Variants in MITF observed in about 807,000 individuals in gnomAD.
The protein encoded by MITF is melanocyte inducing transcription factor, also known as microphthalmia-associated transcription factor.
Under a neutral mutation model 60.5 loss-of-function variants are expected in MITF, and 17 were observed. The observed-to-expected ratio is 0.28, with a 90% CI of 0.19 to 0.42. MITF has a LOEUF of 0.42. Among genes scored for constraint, MITF ranks in the 10% least tolerant of loss-of-function variants. The probability of loss-of-function intolerance (pLI) is 1.00; values close to 1 mark genes in which losing one functional copy is unlikely to be tolerated. For missense variants in MITF, 622 were observed against 683.5 expected (o/e 0.91, Z 1.00); for synonymous variants, 260 against 248.5 (o/e 1.05, Z -0.43).
chr3:69,757,338 T>C (rs369063368), intron 1 of MITF, among the ~76,000 whole-genome samples: 2 of 152,236 alleles, frequency 1.3e-5, no homozygotes, highest in East Asian at 3.8e-4. Flanking sequence ...TGACTCTTGG[T>C]TAAACAGTTC....
At chr3:69,924,000 C>T (rs150666874) in intron 2 of MITF, among the ~76,000 whole-genome samples, 12 of 152,144 alleles carry the variant, frequency 7.9e-5, no homozygotes, top group Admixed American at 2.0e-4. Context: ...CAGTTGATTA[C>T]GTGTTTTAGA....
intron 8 of MITF, among the ~76,000 whole-genome samples, chr3:69,957,250 T>G (rs1436323055): frequency 6.6e-6 from 1 of 152,112 alleles, no homozygotes; most frequent in Non-Finnish European, 1.5e-5. Flanking sequence ...ATTGGCCCAT[T>G]TGAAGCAAGG....
intron 1 of MITF, among the ~76,000 whole-genome samples, chr3:69,753,752 G>A (rs911781605): frequency 2.0e-5 from 3 of 152,192 alleles, no homozygotes; most frequent in Non-Finnish European, 2.9e-5. Flanking sequence ...GGAGCCTATG[G>A]CCCCTTTCTT....
intron 1 of MITF, among the ~76,000 whole-genome samples, chr3:69,753,258 T>G (rs923547211): frequency 8.5e-5 from 13 of 152,224 alleles, no homozygotes; most frequent in Admixed American, 5.9e-4. Flanking sequence ...CCATGTGGTG[T>G]TAAGCCTGTA....
intron 1 of MITF, among the ~76,000 whole-genome samples, chr3:69,867,520 CT>C (rs2064139494): frequency 6.6e-6 from 1 of 152,008 alleles, no homozygotes; most frequent in Non-Finnish European, 1.5e-5. Context: ...GTCATAACAG[CT>C]TAATTACTCA....
chr3:69,800,183 C>CCA (rs1253998485), intron 1 of MITF, among the ~76,000 whole-genome samples: 2 of 152,192 alleles, frequency 1.3e-5, no homozygotes, highest in African/African-American at 4.8e-5. Flanking sequence ...CTGGACATTT[C>CCA]ATATAAATGG....
intron 1 of MITF, among the ~76,000 whole-genome samples, chr3:69,758,041 G>C (rs1425187446): frequency 8.0e-6 from 1 of 125,692 alleles, no homozygotes; most frequent in African/African-American, 2.8e-5. Context: ...GTGTGTGTGT[G>C]TCTATATATA....
At chr3:69,847,636 T>G (rs35588731) in intron 1 of MITF, among the ~76,000 whole-genome samples, 6 of 152,242 alleles carry the variant, frequency 3.9e-5, no homozygotes, top group Non-Finnish European at 8.8e-5. Context: ...AATAGCTGAA[T>G]GGATTCTGTT....
chr3:69,806,381 C>T (rs1233091726), intron 1 of MITF, among the ~76,000 whole-genome samples: 7 of 151,960 alleles, frequency 4.6e-5, no homozygotes, highest in East Asian at 3.9e-4. Flanking sequence ...CCACTGCACC[C>T]GGCCCATTTT....
chr3:69,764,080 G>A (rs946505622), intron 1 of MITF: 9 of 654,808 alleles, frequency 1.4e-5, no homozygotes, highest in Admixed American at 4.1e-5. Context: ...GTTTGTTTTC[G>A]GAAATGTTCA....
At chr3:69,837,973 G>C (rs574755087) in intron 1 of MITF, among the ~76,000 whole-genome samples, 2 of 152,140 alleles carry the variant, frequency 1.3e-5, no homozygotes, top group African/African-American at 4.8e-5. Flanking sequence ...TACATAGAAC[G>C]TTCTGGAAGG....
chr3:69,831,206 G>T (rs140400687), intron 1 of MITF, among the ~76,000 whole-genome samples: 1 of 152,270 alleles, frequency 6.6e-6, no homozygotes, highest in East Asian at 1.9e-4. Flanking sequence ...CACATGATGG[G>T]CACGGAGTAA....
At chr3:69,764,041 C>A in intron 1 of MITF, 1 of 992,704 alleles carries the variant, frequency 1.0e-6, no homozygotes, top group South Asian at 1.6e-5. Flanking sequence ...ATCTTTGGTT[C>A]TTGTTCATAA....
intron 1 of MITF, among the ~76,000 whole-genome samples, chr3:69,872,042 G>C (rs896641008): frequency 2.0e-5 from 3 of 152,070 alleles, no homozygotes; most frequent in African/African-American, 7.2e-5. Context: ...TCTAGTGAAA[G>C]GAAGCTTGAT....
At chr3:69,754,875 T>C (rs1704072359) in intron 1 of MITF, among the ~76,000 whole-genome samples, 1 of 151,430 alleles carries the variant, frequency 6.6e-6, no homozygotes, top group Non-Finnish European at 1.5e-5. Flanking sequence ...TTTCTAGTTT[T>C]AGACACCTTA....
chr3:69,769,357 A>G lies in MITF; in HGVS notation c.104+29656A>G, dbSNP rs1022581537. ...GTTAGCACTCATATCTTACTCAACT[A>G]TTTTTCCTGCCATCATTATATTGAG... On this transcript the variant is annotated intron_variant, in intron 1 of 9. Transcript: ENST00000352241. 2.6e-5 allele frequency: 4 copies of G among 151,976 alleles called. No individual in the cohort carries two copies. The South Asian group carries it at 6.2e-4, about 24-fold the overall frequency. The allele number at this position is 151,976 out of a possible 1,614,324, so 9.4% of individuals were successfully genotyped here.
At chr3:69,921,788 G>A (rs1044866186) in intron 2 of MITF, among the ~76,000 whole-genome samples, 2 of 152,160 alleles carry the variant, frequency 1.3e-5, no homozygotes, top group African/African-American at 2.4e-5. Flanking sequence ...GAAAGGAGTC[G>A]GGAAGGAAAT....
At chr3:69,916,042 A>G (rs1394595794) in intron 2 of MITF, among the ~76,000 whole-genome samples, 1 of 152,202 alleles carries the variant, frequency 6.6e-6, no homozygotes, top group Non-Finnish European at 1.5e-5. Flanking sequence ...AGAAAGTTTG[A>G]AAGGCAGAAA....
intron 1 of MITF, among the ~76,000 whole-genome samples, chr3:69,821,265 T>C (rs2063266517): frequency 1.3e-5 from 2 of 152,036 alleles, no homozygotes; most frequent in African/African-American, 2.4e-5. Flanking sequence ...GAAAATGCAT[T>C]TGGGAGCATA....
Sources: allele counts gnomAD v4.1 joint callset (sites outside exome capture counted in the v4.1 genomes callset), GRCh38; gene constraint gnomAD v4.1.1; transcripts MANE v1.5; gene names NCBI Gene and HGNC (gene_info 2026-07-23, HGNC 2026-07-21).